The following TMEM255B variants were observed in gnomAD, a reference collection of about 807,000 sequenced individuals.
The protein encoded by TMEM255B is transmembrane protein 255B.
Under a neutral mutation model 34.5 loss-of-function variants are expected in TMEM255B, and 35 were observed. That is an observed-to-expected ratio of 1.01 (90% CI 0.77 to 1.34). The LOEUF is 1.34. Ranked by LOEUF, TMEM255B falls within the 40% of genes most tolerant of loss-of-function variation. The pLI, the probability that TMEM255B is intolerant of heterozygous loss-of-function variation, is 0.00. For synonymous variants in TMEM255B, 206 were observed against 201.2 expected (o/e 1.02, Z -0.20); for missense variants, 432 against 433.2 (o/e 1.00, Z 0.02).
In TMEM255B at chr13:113,769,230, T is replaced by C. The variant is rs2050439494; in HGVS notation, c.252+70T>C. The C allele has an allele frequency of 6.4e-7, 1 of 1,566,546 alleles. No homozygotes were observed. Among genetic ancestry groups the C allele is most frequent in the Non-Finnish European group, 8.8e-7 (1 of 1,137,478 alleles). ...GGGGATGGTACAGCTGCACTGGGGC[T>C]CTGAGAAGAGTCAGCCCTGCCTCCC... On this transcript the variant is annotated intron_variant, in intron 3 of 8. Transcript: ENST00000375353. The surrounding 1 kb of genome is among the most constrained non-coding windows in gnomAD (Gnocchi z 4.2).
In TMEM255B at chr13:113,801,735, G is replaced by A. The variant is rs1226402185; in HGVS notation, c.592G>A (p.Ala198Thr). The A allele has an allele frequency of 3.1e-6, 5 of 1,613,084 alleles. No individual in the cohort carries two copies. Among genetic ancestry groups the A allele is most frequent in the African/African-American group, 2.7e-5 (2 of 74,914 alleles). The change falls in exon 7 of 9, where the codon GCC (alanine) becomes ACC (threonine). Residue 198 changes from alanine to threonine, a missense_variant. Ala to Thr is a moderately conservative substitution (Grantham distance 58). Coordinates refer to ENST00000375353, the MANE Select transcript of TMEM255B (RefSeq NM_182614.4). ...GCTGCACCTGTACCGCCTGCTCTGG[G>A]CCTCTGCAGTTCTGAACGTCCTGGG... ...DVLHLYRLLW[A>T]SAVLNVLGLF...
intron 1 of TMEM255B, among the ~76,000 whole-genome samples, chr13:113,764,475 G>C (rs531090563): frequency 6.6e-6 from 1 of 152,304 alleles, no homozygotes; most frequent in South Asian, 2.1e-4. Flanking sequence ...TTCAGAAGGA[G>C]GGCCTCACTC....
At chr13:113,809,805 C>T (rs1192428280) in intron 8 of TMEM255B, among the ~76,000 whole-genome samples, 2 of 152,070 alleles carry the variant, frequency 1.3e-5, no homozygotes, top group Admixed American at 1.3e-4. Context: ...CTTAACTGCT[C>T]ATCTGCTGTG....
chr13:113,793,135 G>A (rs2050859213), intron 3 of TMEM255B, among the ~76,000 whole-genome samples: 1 of 152,216 alleles, frequency 6.6e-6, no homozygotes, highest in Non-Finnish European at 1.5e-5. Context: ...GGGGGGATGC[G>A]AGGGTAAGGG....
chr13:113,766,525 T>C (rs954828578), intron 2 of TMEM255B: 1 of 547,000 alleles, frequency 1.8e-6, no homozygotes, highest in Non-Finnish European at 3.4e-6. Flanking sequence ...ATTGTCTGGG[T>C]TGGCCCGATG....
At chr13:113,763,365 GT>G (rs751189479) in intron 1 of TMEM255B, among the ~76,000 whole-genome samples, 3 of 152,154 alleles carry the variant, frequency 2.0e-5, no homozygotes, top group Non-Finnish European at 4.4e-5. Context: ...CCAGAACGGA[GT>G]TTCACCCACG....
rs954843255 is a variant in TMEM255B at position 113,813,106 on chromosome 13, G to C, written c.*1203G>C. 1.3e-5 allele frequency: 2 copies of C among 151,740 alleles called. No homozygotes were observed. The highest frequency in any genetic ancestry group is 3.4e-3 in the Middle Eastern group (1 of 294). The allele number at this position is 151,740 out of a possible 1,614,324, so 9.4% of individuals were successfully genotyped here. A position where few individuals can be genotyped will look rare whatever the true frequency, so the allele number is the denominator to read the frequency against. Reference sequence around the variant, plus strand: ...AAGTCTCTTGAAAAGTGTTGGATGTGGGGAGAGGCTTTCTCTGAACTCCTG... The same window carrying C: ...AAGTCTCTTGAAAAGTGTTGGATGTCGGGAGAGGCTTTCTCTGAACTCCTG... On this transcript the variant is annotated 3_prime_UTR_variant, in exon 9 of 9. Transcript: ENST00000375353.
chr13:113,788,552 G>A (rs947997236), intron 3 of TMEM255B, among the ~76,000 whole-genome samples: 64 of 152,110 alleles, frequency 4.2e-4, no homozygotes, highest in Middle Eastern at 3.4e-3. Context: ...CCTGCCACAC[G>A]TGGCCATCCT....
chr13:113,768,610 T>C (rs1479318955), intron 2 of TMEM255B, among the ~76,000 whole-genome samples: 1 of 152,112 alleles, frequency 6.6e-6, no homozygotes, highest in Non-Finnish European at 1.5e-5. Flanking sequence ...CCCTGCTCAC[T>C]CTCCCGAAGC....
chr13:113,792,972 C>T (rs994202219), intron 3 of TMEM255B, among the ~76,000 whole-genome samples: 1 of 152,230 alleles, frequency 6.6e-6, no homozygotes, highest in Non-Finnish European at 1.5e-5. Context: ...CTGGAGCGTC[C>T]GTGACACTCA....
intron 3 of TMEM255B, among the ~76,000 whole-genome samples, chr13:113,781,717 A>G (rs999413304): frequency 1.3e-5 from 2 of 152,192 alleles, no homozygotes; most frequent in East Asian, 1.9e-4. Context: ...GTGGCATTTT[A>G]TAAAGCATTT....
chr13:113,784,847 G>C (rs796744673), intron 3 of TMEM255B, among the ~76,000 whole-genome samples: 1 of 152,238 alleles, frequency 6.6e-6, no homozygotes, highest in East Asian at 1.9e-4. Context: ...TTGCAAGAGA[G>C]CCTCTGGCCC....
intron 3 of TMEM255B, among the ~76,000 whole-genome samples, chr13:113,774,630 A>ACCACACAATACACACCACATATG: frequency 7.0e-6 from 1 of 143,250 alleles, no homozygotes; most frequent in African/African-American, 2.6e-5. Context: ...CACCACATAT[A>ACCACACAATACACACCACATATG]CCACACACCA....
intron 3 of TMEM255B, among the ~76,000 whole-genome samples, chr13:113,776,156 G>A (rs541711986): frequency 2.6e-5 from 4 of 152,242 alleles, no homozygotes; most frequent in South Asian, 2.1e-4. Flanking sequence ...GCTCAAAGAT[G>A]CTGCCACCTG....
intron 3 of TMEM255B, among the ~76,000 whole-genome samples, chr13:113,791,889 C>T (rs1269042913): frequency 6.6e-6 from 1 of 152,224 alleles, no homozygotes; most frequent in Non-Finnish European, 1.5e-5. Flanking sequence ...AGCATGTCTG[C>T]AGGCATGATG....
chr13:113,761,735 C>G (rs995281399), intron 1 of TMEM255B, among the ~76,000 whole-genome samples: 7 of 152,212 alleles, frequency 4.6e-5, no homozygotes, highest in Admixed American at 2.0e-4. Flanking sequence ...GGACGCTTAT[C>G]ACAATCTCAA....
chr13:113,774,545 CCA>C (rs1334435637), intron 3 of TMEM255B, among the ~76,000 whole-genome samples: 2 of 150,778 alleles, frequency 1.3e-5, no homozygotes, highest in East Asian at 3.9e-4. Flanking sequence ...CACATGCATG[CCA>C]CACACCACAC....
intron 8 of TMEM255B, among the ~76,000 whole-genome samples, chr13:113,809,711 C>A (rs1467069796): frequency 1.3e-5 from 2 of 151,814 alleles, no homozygotes; most frequent in Non-Finnish European, 2.9e-5. Context: ...AGTTTTACTC[C>A]ATGGTTCACT....
At chr13:113,777,305 C>T (rs897545408) in intron 3 of TMEM255B, among the ~76,000 whole-genome samples, 1 of 152,116 alleles carries the variant, frequency 6.6e-6, no homozygotes, top group Non-Finnish European at 1.5e-5. Context: ...TATCTCTCTG[C>T]CTCTCTTTAC....
Sources: gnomAD v4.1 joint callset for allele counts (sites outside exome capture counted in the v4.1 genomes callset) on GRCh38, gnomAD v4.1.1 for gene constraint, Gnocchi (gnomAD v3.1) non-coding constraint, MANE v1.5 for transcripts, NCBI Gene and HGNC (gene_info 2026-07-23, HGNC 2026-07-21) for gene names.